Variants in KLHL29 observed in about 807,000 individuals in gnomAD.
KLHL29 encodes the protein kelch like family member 29, also known as kelch-like protein 29.
In KLHL29, 21 loss-of-function variants were observed where a neutral mutation model predicts 80.4. That is an observed-to-expected ratio of 0.26 (90% CI 0.19 to 0.38). The LOEUF (loss-of-function observed/expected upper bound fraction) is 0.38, where lower values mean the gene tolerates loss of function less well. KLHL29 is among the 10% of genes least tolerant of loss of function. The pLI, the probability that KLHL29 is intolerant of heterozygous loss-of-function variation, is 1.00. For synonymous variants in KLHL29, 511 were observed against 526.8 expected (o/e 0.97, Z 0.41); for missense variants, 867 against 1,223.9 (o/e 0.71, Z 4.35).
Position 23,395,425 on chromosome 2 carries a change from G to A in KLHL29, c.-154+9645G>A, listed in dbSNP as rs538199396. On this transcript the variant is annotated intron_variant, in intron 1 of 13. Coordinates refer to ENST00000486442, the MANE Select transcript of KLHL29 (RefSeq NM_052920.2). ...TTCCACACTGTTCCCAGTGTGTGCC[G>A]AGATAAATTGGGAATAAGCATTTAG... Among the ~76,000 whole-genome samples the A allele has an allele frequency of 2.0e-4, 30 of 152,268 alleles. No individual in the cohort carries two copies. In the South Asian group the frequency reaches 2.1e-3, roughly 11 times the overall value.
At chr2:23,448,981 G>C (rs938708214) in intron 1 of KLHL29, among the ~76,000 whole-genome samples, 1 of 152,192 alleles carries the variant, frequency 6.6e-6, no homozygotes, top group Non-Finnish European at 1.5e-5. Context: ...TGGGGAGGAA[G>C]GTCCAATGGA....
In KLHL29 at chr2:23,706,717, C is replaced by A; in HGVS notation, c.*53C>A. 1 of 1,321,142 alleles carries A rather than the reference C, an allele frequency of 7.6e-7. No homozygotes were observed. Among genetic ancestry groups the A allele is most frequent in the Non-Finnish European group, 1.0e-6 (1 of 1,003,350 alleles). 81.8% of individuals were successfully genotyped at this position (1,321,142 alleles called of 1,614,324 possible). Reference sequence around the variant, plus strand: ...GTGGACAAGTCTGGTGAGGCAAGTGCCACGCAATGATAATTTTCCAGCGAC... The same window carrying A: ...GTGGACAAGTCTGGTGAGGCAAGTGACACGCAATGATAATTTTCCAGCGAC... On this transcript the variant is annotated 3_prime_UTR_variant, in exon 14 of 14. Transcript: ENST00000486442.
intron 3 of KLHL29, among the ~76,000 whole-genome samples, chr2:23,569,415 G>T (rs975400344): frequency 6.6e-6 from 1 of 152,152 alleles, no homozygotes; most frequent in African/African-American, 2.4e-5. Flanking sequence ...ATTAAGTTAG[G>T]TTTTCTGCAA....
intron 2 of KLHL29, among the ~76,000 whole-genome samples, chr2:23,486,937 T>C (rs1664945873): frequency 1.3e-5 from 2 of 152,214 alleles, no homozygotes; most frequent in Admixed American, 6.5e-5. Context: ...GCAACTTGCA[T>C]GCACTTTCTC....
At chr2:23,643,762 A>T (rs1408436975) in intron 5 of KLHL29, 1 of 152,276 alleles carries the variant, frequency 6.6e-6, no homozygotes, top group African/African-American at 2.4e-5. Context: ...GCAGTGGGGA[A>T]GGCTGCTGGG....
chr2:23,394,775 C>T (rs1180641052), intron 1 of KLHL29, among the ~76,000 whole-genome samples: 1 of 152,212 alleles, frequency 6.6e-6, no homozygotes, highest in Non-Finnish European at 1.5e-5. Flanking sequence ...CAAGTACCTT[C>T]AGACTTAAAT....
chr2:23,492,002 C>T (rs1455761197), intron 2 of KLHL29, among the ~76,000 whole-genome samples: 1 of 152,216 alleles, frequency 6.6e-6, no homozygotes, highest in East Asian at 1.9e-4. Flanking sequence ...CCCTCACCAA[C>T]TGGCACCTGA....
rs1671874406 is a variant in KLHL29, at chr2:23,695,205, G to GGTCCTCCCACCTGTTCCTGA, written c.1543-412_1543-393dup. Among the ~76,000 whole-genome samples, 1 of 152,018 alleles carries GGTCCTCCCACCTGTTCCTGA rather than the reference G, an allele frequency of 6.6e-6. No individual in the cohort carries two copies. The highest frequency in any genetic ancestry group is 6.6e-5 in the Admixed American group (1 of 15,250). ...TCGCCATCTCCTTGAAGCTTTCCTG[G>GGTCCTCCCACCTGTTCCTGA]GTCCTCCCACCTGTTCCTGAGTCCT... On this transcript the variant is annotated intron_variant, in intron 8 of 13. Transcript: ENST00000486442. This position sits in a 1 kb window ranked among gnomAD's most constrained non-coding sequence, Gnocchi z 7.6.
chr2:23,503,948 A>G lies in KLHL29; in HGVS notation c.-46+28281A>G, dbSNP rs1175872963. Among the ~76,000 whole-genome samples, 4 of 152,156 alleles carry G rather than the reference A, an allele frequency of 2.6e-5. No homozygotes were observed. The highest frequency in any genetic ancestry group is 5.9e-5 in the Non-Finnish European group (4 of 68,022). ...CTAGGAGCCTCTGGTTCCAGCCCAG[A>G]TGAACCCACTGGGCTGGGAACGCCA... On this transcript the variant is annotated intron_variant, in intron 2 of 13. Coordinates refer to ENST00000486442, the MANE Select transcript of KLHL29 (RefSeq NM_052920.2). The surrounding 1 kb of genome is among the most constrained non-coding windows in gnomAD (Gnocchi z 4.0).
At chr2:23,536,918 A>ACACACACACACACACACTCTCT (rs143009876) in intron 2 of KLHL29, among the ~76,000 whole-genome samples, 20 of 140,734 alleles carry the variant, frequency 1.4e-4, no homozygotes, top group African/African-American at 4.9e-4. Context: ...ACACACACAC[A>ACACACACACACACACACTCTCT]CTCTCTCTCT....
chr2:23,680,457 C>T lies in KLHL29; in HGVS notation c.941-3942C>T, dbSNP rs1044631897. Reference sequence around the variant, plus strand: ...AGGCCAGGGTGTGCAGTCCCACAGACGTAGGCGGGCATCCCGCTCAAAGCC... The same window carrying T: ...AGGCCAGGGTGTGCAGTCCCACAGATGTAGGCGGGCATCCCGCTCAAAGCC... On this transcript the variant is annotated intron_variant, in intron 5 of 13. Coordinates refer to ENST00000486442, the MANE Select transcript of KLHL29 (RefSeq NM_052920.2). The surrounding 1 kb of genome is among the most constrained non-coding windows in gnomAD (Gnocchi z 4.1). Among the ~76,000 whole-genome samples, 7 of 152,300 alleles carry T rather than the reference C, an allele frequency of 4.6e-5. No homozygotes were observed. The highest frequency in any genetic ancestry group is 9.6e-5 in the African/African-American group (4 of 41,566).
intron 7 of KLHL29, among the ~76,000 whole-genome samples, chr2:23,692,234 C>T (rs2149205486): frequency 6.6e-6 from 1 of 152,334 alleles, no homozygotes; most frequent in South Asian, 2.1e-4. Context: ...AGACCCTGAA[C>T]AAAGCAGCCC....
chr2:23,580,424 C>A (rs1414495743), intron 3 of KLHL29, among the ~76,000 whole-genome samples: 1 of 121,076 alleles, frequency 8.3e-6, no homozygotes, highest in Non-Finnish European at 1.8e-5. Context: ...ACCTGTAATC[C>A]CAGTGCTTTA....
chr2:23,417,569 G>A (rs958653590), intron 1 of KLHL29, among the ~76,000 whole-genome samples: 1 of 152,182 alleles, frequency 6.6e-6, no homozygotes, highest in Non-Finnish European at 1.5e-5. Flanking sequence ...TGAAGCAGAC[G>A]GAAATGAAGT....
chr2:23,520,992 A>ACCGCCCCC (rs1485391256), intron 2 of KLHL29, among the ~76,000 whole-genome samples: 2 of 91,144 alleles, frequency 2.2e-5, no homozygotes, highest in Non-Finnish European at 5.0e-5. Context: ...TACAAAGACC[A>ACCGCCCCC]CCCCCCCCCC....
Position 23,533,129 on chromosome 2 carries a change from G to A in KLHL29, c.-45-29023G>A, listed in dbSNP as rs150932133. Among the ~76,000 whole-genome samples the A allele has an allele frequency of 1.9e-4, 29 of 152,246 alleles. No individual in the cohort carries two copies. In the East Asian group the frequency reaches 4.4e-3, roughly 23 times the overall value. ...TTTTCCTGAGCACGTAAAGTGGTTT[G>A]GAGATATTGGGGGAGGAAAAGGTGT... On this transcript the variant is annotated intron_variant, in intron 2 of 13. Coordinates refer to ENST00000486442, the MANE Select transcript of KLHL29 (RefSeq NM_052920.2).
At chr2:23,619,280 C>T (rs1001729711) in intron 3 of KLHL29, among the ~76,000 whole-genome samples, 1 of 152,332 alleles carries the variant, frequency 6.6e-6, no homozygotes, top group African/African-American at 2.4e-5. Flanking sequence ...GGGTCTTCTG[C>T]GGGGCTGGAT....
intron 8 of KLHL29, among the ~76,000 whole-genome samples, chr2:23,694,743 C>T (rs1671842344): frequency 6.6e-6 from 1 of 152,248 alleles, no homozygotes; most frequent in Non-Finnish European, 1.5e-5. Context: ...AATGTCCACC[C>T]TCCCATCCAC....
At chr2:23,408,968 G>A (rs149621984) in intron 1 of KLHL29, among the ~76,000 whole-genome samples, 79 of 152,256 alleles carry the variant, frequency 5.2e-4, no homozygotes, top group African/African-American at 1.8e-3. Context: ...AGGAGTTTGG[G>A]GTTCACAGCT....
Sources: allele counts gnomAD v4.1 joint callset (sites outside exome capture counted in the v4.1 genomes callset), GRCh38; gene constraint gnomAD v4.1.1; non-coding constraint Gnocchi (gnomAD v3.1); transcripts MANE v1.5; gene names NCBI Gene and HGNC (gene_info 2026-07-23, HGNC 2026-07-21).